PTBP3: variants seen among roughly 807,000 people sequenced by gnomAD.
PTBP3 encodes polypyrimidine tract-binding protein 3.
A neutral mutation model predicts 58.7 loss-of-function variants in PTBP3; 20 were observed. The observed-to-expected ratio is 0.34, with a 90% CI of 0.24 to 0.50. The LOEUF (loss-of-function observed/expected upper bound fraction) is 0.50. Ranked by LOEUF, PTBP3 falls within the 20% of genes least tolerant of loss-of-function variation. PTBP3 has a pLI of 0.98. For synonymous variants in PTBP3, 185 were observed against 219.8 expected, an observed-to-expected ratio of 0.84 and a Z score of 1.40; for missense variants, 509 against 637.2, an observed-to-expected ratio of 0.80 and a Z score of 2.17.
At chr9:112,298,494 A>C (rs1245791628) in intron 1 of PTBP3, 7 of 488,428 alleles carry the variant, frequency 1.4e-5, no homozygotes, top group African/African-American at 1.4e-4. Flanking sequence ...GGCAACACTA[A>C]AAAGTAACTC....
rs951898565 is a variant in PTBP3, at chr9:112,301,464, A to C, written c.-51-3548T>G. Among the ~76,000 whole-genome samples the C allele has an allele frequency of 3.6e-4, 55 of 152,162 alleles. No individual in the cohort carries two copies. The East Asian group carries it at 5.2e-3, about 14-fold the overall frequency. ...GTGTTTTCTGAAAAAAAGAAAAAAA[A>C]AAACAAACAAAAAAACTAAACATAC... On this transcript the variant is annotated intron_variant, in intron 1 of 13. Transcript: ENST00000374257.
intron 3 of PTBP3, among the ~76,000 whole-genome samples, chr9:112,273,533 T>C (rs960227942): frequency 1.3e-5 from 2 of 152,212 alleles, no homozygotes; most frequent in Non-Finnish European, 2.9e-5. Context: ...AAGGAAAAGC[T>C]AAACAATATA....
intron 7 of PTBP3, among the ~76,000 whole-genome samples, chr9:112,244,152 C>T (rs1161416342): frequency 6.6e-6 from 1 of 150,970 alleles, no homozygotes; most frequent in Non-Finnish European, 1.5e-5. Context: ...ATACAAAAAC[C>T]ATGGTGGCAT....
intron 5 of PTBP3, among the ~76,000 whole-genome samples, chr9:112,256,434 C>T (rs7875614): frequency 0.85 from 128,517 of 151,506 alleles, 54,934 homozygotes; most frequent in African/African-American, 0.95. Context: ...CATCATTAAG[C>T]ACAATTCCTG....
the PTBP3 span, among the ~76,000 whole-genome samples, chr9:112,356,296 GCTTTCCCAGAAGT>G: frequency 6.6e-6 from 1 of 152,100 alleles, no homozygotes; most frequent in South Asian, 2.1e-4. Flanking sequence ...CTTTAAAGCA[GCTTTCCCAGAAGT>G]CCTTCCCAGC....
chr9:112,232,924 G>A (rs1369667390), intron 8 of PTBP3, among the ~76,000 whole-genome samples: 1 of 151,840 alleles, frequency 6.6e-6, no homozygotes, highest in East Asian at 1.9e-4. Context: ...ACCTGTCTAA[G>A]GTAAAACCTC....
intron 2 of PTBP3, among the ~76,000 whole-genome samples, chr9:112,286,898 A>AT (rs573988467): frequency 1.1e-4 from 16 of 151,358 alleles, no homozygotes; most frequent in East Asian, 3.9e-4. Context: ...TTCCAGTTTG[A>AT]TTTTTTTTTC....
chr9:112,356,192 C>A, the PTBP3 span, among the ~76,000 whole-genome samples: 1 of 151,908 alleles, frequency 6.6e-6, no homozygotes, highest in Admixed American at 6.6e-5. Flanking sequence ...TCGACCAGGC[C>A]AGTCTAGAAC....
intron 8 of PTBP3, among the ~76,000 whole-genome samples, chr9:112,233,275 GTGTGT>G (rs1835314790): frequency 1.0e-3 from 5 of 4,976 alleles, no homozygotes; most frequent in South Asian, 0.012. Flanking sequence ...ACTGTAGGGT[GTGTGT>G]GTGTGTGTGT....
chr9:112,331,038 G>A lies in PTBP3; in HGVS notation c.-52+2432C>T, dbSNP rs564658628. On this transcript the variant is annotated intron_variant, in intron 1 of 13. Transcript: ENST00000374257. ...TTGCTTTTTAAAAATATTCTATCAC[G>A]TCAAAACTGTGTTTAAGTATAAATT... 5.3e-4 allele frequency among the ~76,000 whole-genome samples: 78 copies of A among 148,372 alleles called. No individual in the cohort carries two copies. The South Asian group carries it at 6.4e-3, about 12-fold the overall frequency.
At chr9:112,278,508 C>T (rs1048264610) in intron 2 of PTBP3, among the ~76,000 whole-genome samples, 1 of 152,154 alleles carries the variant, frequency 6.6e-6, no homozygotes, top group Non-Finnish European at 1.5e-5. Context: ...TGAAAGAACA[C>T]TAAGAAAGCT....
chr9:112,283,990 A>C (rs569392684), intron 2 of PTBP3, among the ~76,000 whole-genome samples: 1 of 152,174 alleles, frequency 6.6e-6, no homozygotes, highest in Admixed American at 6.5e-5. Flanking sequence ...AATTTGGGGA[A>C]CCTCCACCTA....
intron 2 of PTBP3, among the ~76,000 whole-genome samples, chr9:112,292,929 G>A (rs555649622): frequency 2.3e-4 from 35 of 152,220 alleles, no homozygotes; most frequent in African/African-American, 8.2e-4. Flanking sequence ...ATGAGAGATA[G>A]AGGGCACACA....
At chr9:112,224,713 G>C (rs905092302) in intron 12 of PTBP3, among the ~76,000 whole-genome samples, 3 of 152,246 alleles carry the variant, frequency 2.0e-5, no homozygotes, top group Middle Eastern at 3.4e-3. Context: ...CCCTCCCATA[G>C]AAAGCACAGG....
intron 2 of PTBP3, among the ~76,000 whole-genome samples, chr9:112,289,714 C>T (rs953292207): frequency 3.3e-5 from 5 of 151,938 alleles, no homozygotes; most frequent in African/African-American, 1.2e-4. Flanking sequence ...CCTGGGAGGT[C>T]GAGGCTGTAG....
Position 112,333,578 on chromosome 9 carries a change from T to C in PTBP3, c.-160A>G. 1 of 1,433,072 alleles carries C rather than the reference T, an allele frequency of 7.0e-7. No individual in the cohort carries two copies. Among genetic ancestry groups the C allele is most frequent in the Non-Finnish European group, 9.6e-7 (1 of 1,039,382 alleles). The allele number at this position is 1,433,072 out of a possible 1,614,324, so 88.8% of individuals were successfully genotyped here. ...GGCGGTTCCGGGGACAAGCGAGCTT[T>C]GGCTCTGCGGAGCCCCGGCCGGTCC... On this transcript the variant is annotated 5_prime_UTR_variant, in exon 1 of 14. Transcript: ENST00000374257.
intron 10 of PTBP3, among the ~76,000 whole-genome samples, chr9:112,229,449 C>T (rs1019434158): frequency 6.6e-6 from 1 of 151,916 alleles, no homozygotes; most frequent in East Asian, 1.9e-4. Flanking sequence ...CCTGTAGTCC[C>T]AGCTACTCGG....
chr9:112,230,038 C>T (rs766261693), intron 10 of PTBP3, among the ~76,000 whole-genome samples: 3 of 151,930 alleles, frequency 2.0e-5, no homozygotes, highest in Non-Finnish European at 4.4e-5. Flanking sequence ...TTCTCTCGGG[C>T]GTTGAAAATT....
chr9:112,256,559 G>T (rs1477065284), intron 5 of PTBP3, among the ~76,000 whole-genome samples: 1 of 151,924 alleles, frequency 6.6e-6, no homozygotes, highest in South Asian at 2.1e-4. Flanking sequence ...AAGAGATGGG[G>T]TCACCCTGTC....
Sources: allele counts gnomAD v4.1 joint callset (sites outside exome capture counted in the v4.1 genomes callset), GRCh38; gene constraint gnomAD v4.1.1; transcripts MANE v1.5; gene names NCBI Gene and HGNC (gene_info 2026-07-23, HGNC 2026-07-21).